AAK1: variants seen among roughly 807,000 people sequenced by gnomAD.
The protein encoded by AAK1 is AP2 associated kinase 1, also known as AP2-associated protein kinase 1.
Under a neutral mutation model 116.0 loss-of-function variants are expected in AAK1, and 37 were observed. The observed-to-expected ratio is 0.32, with a 90% confidence interval of 0.25 to 0.42. The LOEUF is 0.42. Ranked by LOEUF, AAK1 falls within the 10% of genes least tolerant of loss-of-function variation. AAK1 has a pLI of 1.00. For synonymous variants in AAK1, 458 were observed against 439.9 expected (o/e 1.04, Z -0.51); for missense variants, 919 against 1,170.6 (o/e 0.79, Z 3.14).
At position 69,474,709 on chromosome 2, in the gene AAK1, G is replaced by C. The variant is rs1379149859; in HGVS notation, c.*1160C>G. ...AAATAAACAACATGCTTATTCTAGA[G>C]ACAGAGGACCTGCTGAAAGCTTATA... On this transcript the variant is annotated 3_prime_UTR_variant, in exon 22 of 22. Coordinates refer to ENST00000409085, the MANE Select transcript of AAK1 (RefSeq NM_014911.5). The C allele has an allele frequency of 1.0e-6, 1 of 985,752 alleles. No homozygotes were observed. The highest frequency in any genetic ancestry group is 1.2e-6 in the Non-Finnish European group (1 of 829,920). The allele number at this position is 985,752 out of a possible 1,614,324, so 61.1% of individuals were successfully genotyped here.
At chr2:69,518,606 A>G (rs1676689038) in intron 12 of AAK1, among the ~76,000 whole-genome samples, 1 of 151,986 alleles carries the variant, frequency 6.6e-6, no homozygotes, top group Non-Finnish European at 1.5e-5. Context: ...TTTAGTAGAG[A>G]CAGGGTTTCA....
rs1415299861 is a variant in AAK1, at chr2:69,643,679, C to T, written c.-339G>A. On this transcript the variant is annotated 5_prime_UTR_variant, in exon 1 of 22. Transcript: ENST00000409085. The stretch of plus-strand genomic sequence containing the variant: ...GAAGAGGCGGCGCTGCAGCGAGAGC[C>T]GGGGCCGCGCTCGGCTCCCGCCCGC... 3 of 1,223,150 alleles carry T rather than the reference C, an allele frequency of 2.5e-6. No individual in the cohort carries two copies. The African/African-American group carries it at 4.7e-5, about 19-fold the overall frequency. 75.8% of individuals were successfully genotyped at this position (1,223,150 alleles called of 1,614,324 possible). A position where few individuals can be genotyped will look rare whatever the true frequency, so the allele number is the denominator to read the frequency against.
chr2:69,462,804 C>T lies in AAK1; in HGVS notation c.*13065G>A, dbSNP rs542227916. The T allele has an allele frequency of 6.6e-6, 1 of 152,258 alleles. No homozygotes were observed. The highest frequency in any genetic ancestry group is 2.1e-4 in the South Asian group (1 of 4,826). 9.4% of individuals were successfully genotyped at this position (152,258 alleles called of 1,614,324 possible). A position where few individuals can be genotyped will look rare whatever the true frequency, so the allele number is the denominator to read the frequency against. The stretch of plus-strand genomic sequence containing the variant: ...GAAGAATCTGGGGTGCAAAGTTCCA[C>T]GTGCATTAGCCGAAATTATTCATTC... On this transcript the variant is annotated 3_prime_UTR_variant, in exon 22 of 22. Coordinates refer to ENST00000409085, the MANE Select transcript of AAK1 (RefSeq NM_014911.5).
intron 2 of AAK1, among the ~76,000 whole-genome samples, chr2:69,567,637 T>A (rs916179033): frequency 6.6e-5 from 10 of 151,480 alleles, no homozygotes; most frequent in Non-Finnish European, 1.3e-4. Context: ...AAGGTTAGAG[T>A]CTAGTATGGA....
intron 5 of AAK1, among the ~76,000 whole-genome samples, chr2:69,534,581 T>C (rs1445522465): frequency 2.0e-5 from 3 of 152,254 alleles, no homozygotes; most frequent in African/African-American, 7.2e-5. Flanking sequence ...CTCCTTTTAT[T>C]CAACTGCTCA....
intron 2 of AAK1, among the ~76,000 whole-genome samples, chr2:69,631,194 T>C (rs1675157869): frequency 6.6e-6 from 1 of 152,182 alleles, no homozygotes; most frequent in African/African-American, 2.4e-5. Context: ...GGTAATAAAG[T>C]CATCATTTTG....
At chr2:69,617,938 T>A (rs6546538) in intron 2 of AAK1, among the ~76,000 whole-genome samples, 77,554 of 152,038 alleles carry the variant, frequency 0.51, 22,238 homozygotes, top group East Asian at 0.75. Flanking sequence ...TCGAGGCTGC[T>A]GAGCAAAGAT....
intron 2 of AAK1, among the ~76,000 whole-genome samples, chr2:69,640,945 C>T (rs906319017): frequency 6.6e-6 from 1 of 152,208 alleles, no homozygotes; most frequent in Non-Finnish European, 1.5e-5. Flanking sequence ...TAACAGTATA[C>T]CCCCAGAGCC....
chr2:69,594,833 A>G (rs1673190329), intron 2 of AAK1: 2 of 1,544,968 alleles, frequency 1.3e-6, no homozygotes. Flanking sequence ...TTAGACCTGC[A>G]GTTGGGCTCA....
intron 19 of AAK1, among the ~76,000 whole-genome samples, chr2:69,479,613 A>G (rs1399887912): frequency 6.6e-6 from 1 of 152,186 alleles, no homozygotes. Flanking sequence ...CTGGCTTATT[A>G]TTAGCAGAAT....
At chr2:69,643,337 A>G in intron 1 of AAK1, 63 bp from the exon 2 acceptor site, 1 of 1,246,384 alleles carries the variant, frequency 8.0e-7, no homozygotes, top group Non-Finnish European at 1.0e-6. Context: ...TCAACCGCTG[A>G]GTCCTAGGGG....
chr2:69,611,677 G>C (rs1674087473), intron 2 of AAK1, among the ~76,000 whole-genome samples: 3 of 152,144 alleles, frequency 2.0e-5, no homozygotes, highest in South Asian at 4.1e-4. Flanking sequence ...GCAGGGTCTT[G>C]AAGAGAGATA....
intron 15 of AAK1, among the ~76,000 whole-genome samples, chr2:69,506,439 C>A (rs752698160): frequency 3.9e-5 from 6 of 152,198 alleles, no homozygotes; most frequent in Non-Finnish European, 5.9e-5. Context: ...TCATAGCCCA[C>A]TGCAGCCTCG....
intron 2 of AAK1, among the ~76,000 whole-genome samples, chr2:69,564,280 G>A (rs1315059234): frequency 6.6e-6 from 1 of 152,074 alleles, no homozygotes; most frequent in Non-Finnish European, 1.5e-5. Flanking sequence ...CAAGCCCTAG[G>A]ATTACAGAAG....
chr2:69,535,072 C>A (rs1181626972), intron 5 of AAK1, among the ~76,000 whole-genome samples: 2 of 152,230 alleles, frequency 1.3e-5, no homozygotes, highest in Admixed American at 1.3e-4. Flanking sequence ...CAGCAACAAT[C>A]TTCCTCCTCG....
At chr2:69,623,953 T>A (rs1402753834) in intron 2 of AAK1, among the ~76,000 whole-genome samples, 1 of 151,940 alleles carries the variant, frequency 6.6e-6, no homozygotes, top group Admixed American at 6.6e-5. Flanking sequence ...AAGAAACAAG[T>A]GCCCTAACCG....
At chr2:69,497,801 C>T (rs1675807686) in intron 16 of AAK1, among the ~76,000 whole-genome samples, 1 of 152,116 alleles carries the variant, frequency 6.6e-6, no homozygotes, top group African/African-American at 2.4e-5. Flanking sequence ...ACCCTTCAAC[C>T]AGCTTCCCCC....
At chr2:69,510,962 G>A (rs1057170607) in intron 13 of AAK1, among the ~76,000 whole-genome samples, 3 of 152,140 alleles carry the variant, frequency 2.0e-5, no homozygotes, top group Non-Finnish European at 2.9e-5. Flanking sequence ...ACAACATACC[G>A]GTGAGAATAT....
At chr2:69,521,132 G>A (rs1669759685) in intron 10 of AAK1, 144 bp from the exon 11 acceptor site, 1 of 912,210 alleles carries the variant, frequency 1.1e-6, no homozygotes, top group Non-Finnish European at 1.7e-6. Context: ...TCTCCCACAG[G>A]ATGCCATTGT....
Sources: allele counts gnomAD v4.1 joint callset (sites outside exome capture counted in the v4.1 genomes callset), GRCh38; gene constraint gnomAD v4.1.1; transcripts MANE v1.5; gene names NCBI Gene and HGNC (gene_info 2026-07-23, HGNC 2026-07-21).